The following MACROD2 variants were observed in gnomAD, a reference collection of about 807,000 sequenced individuals.
The protein encoded by MACROD2 is ADP-ribose glycohydrolase MACROD2.
In MACROD2, 36 loss-of-function variants were observed where a neutral mutation model predicts 70.4. The observed-to-expected ratio is 0.51, with a 90% CI of 0.39 to 0.68. The LOEUF is 0.68. Among genes scored for constraint, MACROD2 ranks in the 30% least tolerant of loss-of-function variants. The pLI, the probability that MACROD2 is intolerant of heterozygous loss-of-function variation, is 0.00. For missense variants in MACROD2, 496 were observed against 538.4 expected (o/e 0.92, Z 0.78); for synonymous variants, 172 against 178.8 (o/e 0.96, Z 0.30).
At chr20:14,985,822 G>A (rs2074843784) in intron 5 of MACROD2, among the ~76,000 whole-genome samples, 1 of 151,590 alleles carries the variant, frequency 6.6e-6, no homozygotes, top group East Asian at 1.9e-4. Context: ...GGGCAGGGAA[G>A]GAAGGGAAGT....
At chr20:14,247,440 G>A (rs1055340342) in intron 3 of MACROD2, among the ~76,000 whole-genome samples, 2 of 152,164 alleles carry the variant, frequency 1.3e-5, no homozygotes, top group African/African-American at 2.4e-5. Context: ...AGAATTAGAT[G>A]AAATATAAGG....
rs6147300 is a variant in MACROD2, at chr20:15,101,534, C to CAA, written c.419-128393_419-128392dup. Among the ~76,000 whole-genome samples the CAA allele has an allele frequency of 1.2e-4, 11 of 88,920 alleles. 2 individuals carry two copies. The East Asian group carries it at 1.9e-3, about 16-fold the overall frequency. 58.3% of individuals were successfully genotyped at this position (88,920 alleles called of 152,430 possible). A position where few individuals can be genotyped will look rare whatever the true frequency, so the allele number is the denominator to read the frequency against. On this transcript the variant is annotated intron_variant, in intron 5 of 17. Coordinates refer to ENST00000684519, the MANE Select transcript of MACROD2 (RefSeq NM_001351661.2). ...AGCACAGATAACCCAGGTGTTGGTT[C>CAA]AAAAAAAAAAAAAAGCATTCTGGAG...
intron 3 of MACROD2, among the ~76,000 whole-genome samples, chr20:14,118,172 C>CAT (rs2054538575): frequency 6.6e-6 from 1 of 152,178 alleles, no homozygotes; most frequent in African/African-American, 2.4e-5. Flanking sequence ...GTATTTGCTA[C>CAT]ATATATATTT....
intron 3 of MACROD2, among the ~76,000 whole-genome samples, chr20:14,141,662 T>C (rs1339203892): frequency 1.3e-5 from 2 of 148,854 alleles, no homozygotes; most frequent in Non-Finnish European, 3.0e-5. Flanking sequence ...GGAGAATTGC[T>C]TGAACCTGGG....
At chr20:14,969,667 A>G (rs1177318209) in intron 5 of MACROD2, among the ~76,000 whole-genome samples, 1 of 152,166 alleles carries the variant, frequency 6.6e-6, no homozygotes, top group East Asian at 1.9e-4. Context: ...AGAAAAGTTG[A>G]AAGGACTTGG....
chr20:14,784,672 G>A (rs1241275415), intron 5 of MACROD2, among the ~76,000 whole-genome samples: 1 of 119,714 alleles, frequency 8.4e-6, no homozygotes, highest in South Asian at 2.7e-4. Flanking sequence ...TTTAAGTGGG[G>A]GGGGGGGGGC....
chr20:14,805,470 A>G (rs1235626731), intron 5 of MACROD2, among the ~76,000 whole-genome samples: 5 of 152,116 alleles, frequency 3.3e-5, no homozygotes, highest in Non-Finnish European at 7.4e-5. Context: ...TATTAAAAGT[A>G]GTCTGTTCAT....
chr20:15,229,825 G>A (rs1055748641), intron 5 of MACROD2, 115 bp from the exon 6 acceptor site: 2 of 1,103,344 alleles, frequency 1.8e-6, no homozygotes, highest in African/African-American at 3.2e-5. Flanking sequence ...GTATTGCTTA[G>A]CTTGCTTGTC....
At chr20:15,236,633 G>A (rs1208599732) in intron 6 of MACROD2, among the ~76,000 whole-genome samples, 1 of 152,172 alleles carries the variant, frequency 6.6e-6, no homozygotes, top group Non-Finnish European at 1.5e-5. Context: ...CTTCCCTGTG[G>A]CTCAATTCCT....
intron 3 of MACROD2, among the ~76,000 whole-genome samples, chr20:14,285,694 A>G (rs2082338342): frequency 6.6e-6 from 1 of 151,996 alleles, no homozygotes; most frequent in Non-Finnish European, 1.5e-5. Context: ...GGAAGGTTGT[A>G]TCATGGTTTT....
intron 5 of MACROD2, among the ~76,000 whole-genome samples, chr20:15,120,791 T>C (rs1372362316): frequency 6.6e-6 from 1 of 152,220 alleles, no homozygotes; most frequent in Non-Finnish European, 1.5e-5. Flanking sequence ...CAGTCTTGTT[T>C]CTTTCTGAAG....
chr20:15,588,750 A>G (rs2048637887), intron 8 of MACROD2, among the ~76,000 whole-genome samples: 1 of 152,174 alleles, frequency 6.6e-6, no homozygotes, highest in South Asian at 2.1e-4. Context: ...CAAGTTCCTC[A>G]TCTCCATCTG....
chr20:14,581,037 G>A (rs1980981027), intron 4 of MACROD2, among the ~76,000 whole-genome samples: 1 of 152,160 alleles, frequency 6.6e-6, no homozygotes, highest in Non-Finnish European at 1.5e-5. Flanking sequence ...CCTGTGGGCA[G>A]TTTGCAAAGG....
chr20:15,198,241 G>A (rs1169513513), intron 5 of MACROD2, among the ~76,000 whole-genome samples: 1 of 152,084 alleles, frequency 6.6e-6, no homozygotes, highest in African/African-American at 2.4e-5. Context: ...TTACAGGCAT[G>A]AGCCAACGCA....
chr20:15,529,309 TGTAA>T (rs914521976), intron 8 of MACROD2, among the ~76,000 whole-genome samples: 1 of 152,106 alleles, frequency 6.6e-6, no homozygotes, highest in African/African-American at 2.4e-5. Context: ...TGTGTGTGTG[TGTAA>T]GTGTTAATAT....
At chr20:14,611,268 C>T (rs1386435844) in intron 4 of MACROD2, among the ~76,000 whole-genome samples, 1 of 152,034 alleles carries the variant, frequency 6.6e-6, no homozygotes, top group African/African-American at 2.4e-5. Flanking sequence ...TTTTGATGAT[C>T]AAATGTGCTA....
intron 8 of MACROD2, among the ~76,000 whole-genome samples, chr20:15,601,961 G>A (rs1465241367): frequency 1.3e-5 from 2 of 152,124 alleles, no homozygotes; most frequent in Non-Finnish European, 2.9e-5. Context: ...CCGGGAGGTG[G>A]AGGTTCCAGT....
intron 5 of MACROD2, among the ~76,000 whole-genome samples, chr20:14,922,399 A>G (rs1190646334): frequency 6.6e-6 from 1 of 152,160 alleles, no homozygotes; most frequent in Non-Finnish European, 1.5e-5. Flanking sequence ...AAGCATTTCT[A>G]AGTAGGACTT....
At chr20:15,564,486 A>G (rs1316929756) in intron 8 of MACROD2, among the ~76,000 whole-genome samples, 1 of 152,102 alleles carries the variant, frequency 6.6e-6, no homozygotes, top group African/African-American at 2.4e-5. Context: ...GATCTTTTTT[A>G]TTGTACCTCT....
Sources: allele counts gnomAD v4.1 joint callset (sites outside exome capture counted in the v4.1 genomes callset), GRCh38; gene constraint gnomAD v4.1.1; transcripts MANE v1.5; gene names NCBI Gene and HGNC (gene_info 2026-07-23, HGNC 2026-07-21).